The following GBE1 variants were observed in gnomAD, a reference collection of about 807,000 sequenced individuals.
The protein encoded by GBE1 is 1,4-alpha-glucan branching enzyme 1, also known as 1,4-alpha-glucan-branching enzyme.
Under a neutral mutation model 88.8 loss-of-function variants are expected in GBE1, and 70 were observed. The observed-to-expected ratio is 0.79, with a 90% CI of 0.65 to 0.96. GBE1 has a LOEUF of 0.96. Ranked by LOEUF, GBE1 falls within the 40% of genes least tolerant of loss-of-function variation. GBE1 has a pLI of 0.00. For synonymous variants in GBE1, 284 were observed against 300.1 expected (o/e 0.95, Z 0.56); for missense variants, 872 against 871.0 (o/e 1.00, Z -0.01).
At chr3:81,555,653 T>C (rs1391302057) in intron 12 of GBE1, among the ~76,000 whole-genome samples, 1 of 152,186 alleles carries the variant, frequency 6.6e-6, no homozygotes, top group Non-Finnish European at 1.5e-5. Flanking sequence ...AGATGACATG[T>C]AATAATCTGA....
In GBE1 at chr3:81,574,665, G is replaced by A. The variant is rs577465858; in HGVS notation, c.1618+3260C>T. Among the ~76,000 whole-genome samples the A allele has an allele frequency of 4.6e-5, 7 of 152,246 alleles. No individual in the cohort carries two copies. The South Asian group carries it at 8.3e-4, about 18-fold the overall frequency. ...AGAAAAAGGCAACTGACCAGCTGCC[G>A]AAATTTTCTGGTTGTGCAAACTGAG... On this transcript the variant is annotated intron_variant, in intron 12 of 15. Transcript: ENST00000429644.
In GBE1 at chr3:81,705,609, T is replaced by C; in HGVS notation, c.148A>G (p.Lys50Glu). ...PYAVDFQRRY[K>E]QFSQILKNIG... is the part of the protein sequence containing the mutation. ...TTCTTCAAAATTTGGCTAAACTGCTTATACCTTTGAAGAAGTATGAAAGAA... is the reference window on the plus strand; with the variant it reads ...TTCTTCAAAATTTGGCTAAACTGCTCATACCTTTGAAGAAGTATGAAAGAA... The change falls in exon 2 of 16, where the codon AAG (lysine) becomes GAG (glutamate). Residue 50 changes from lysine to glutamate, a missense_variant. Transcript: ENST00000429644. 6.5e-7 allele frequency: 1 copy of C among 1,541,832 alleles called. No individual in the cohort carries two copies. The highest frequency in any genetic ancestry group is 8.7e-7 in the Non-Finnish European group (1 of 1,143,704).
At chr3:81,674,812 T>C (rs1160625064) in intron 2 of GBE1, among the ~76,000 whole-genome samples, 1 of 151,830 alleles carries the variant, frequency 6.6e-6, no homozygotes, top group Admixed American at 6.6e-5. Flanking sequence ...TGAGAGAGAA[T>C]TAATTATGTA....
At chr3:81,501,046 A>G (rs536752508) in intron 14 of GBE1, among the ~76,000 whole-genome samples, 1 of 152,196 alleles carries the variant, frequency 6.6e-6, no homozygotes, top group South Asian at 2.1e-4. Flanking sequence ...TGTGCACCAA[A>G]CCCCAACAAC....
intron 1 of GBE1, among the ~76,000 whole-genome samples, chr3:81,712,534 A>G (rs1392074474): frequency 6.6e-6 from 1 of 152,124 alleles, no homozygotes; most frequent in African/African-American, 2.4e-5. Context: ...CATTCTCAGC[A>G]AACTATCACA....
chr3:81,678,796 G>T (rs1297035906), intron 2 of GBE1, among the ~76,000 whole-genome samples: 1 of 152,038 alleles, frequency 6.6e-6, no homozygotes, highest in Non-Finnish European at 1.5e-5. Context: ...AATAAGAAAA[G>T]CCCTTAAAAT....
intron 7 of GBE1, 60 bp from the exon 8 acceptor site, chr3:81,594,083 TATAA>T (rs1703919746): frequency 5.5e-6 from 4 of 725,592 alleles, no homozygotes; most frequent in Non-Finnish European, 9.2e-6. Flanking sequence ...CCTTAACTGT[TATAA>T]ATGTTTGCTA....
At position 81,761,568 on chromosome 3, in the gene GBE1, A is replaced by C. The variant is rs759844528; in HGVS notation, c.-51T>G. On this transcript the variant is annotated 5_prime_UTR_variant, in exon 1 of 16. Transcript: ENST00000429644. ...GGCCCGAGAGGTCGAGTGGGGCCTGAGCGGGCGCTGGAGCTCTAGCTGGGA... is the reference window on the plus strand; with the variant it reads ...GGCCCGAGAGGTCGAGTGGGGCCTGCGCGGGCGCTGGAGCTCTAGCTGGGA... 1.8e-5 allele frequency: 28 copies of C among 1,561,212 alleles called. No homozygotes were observed. In the South Asian group the frequency reaches 2.3e-4, roughly 13 times the overall value.
chr3:81,565,575 T>C (rs77029958), intron 12 of GBE1, among the ~76,000 whole-genome samples: 6,081 of 152,222 alleles, frequency 0.04, 407 homozygotes, highest in African/African-American at 0.14. Context: ...ATGTAACATA[T>C]TCATTAAAGA....
At chr3:81,512,756 A>G (rs558269471) in intron 14 of GBE1, among the ~76,000 whole-genome samples, 1 of 152,016 alleles carries the variant, frequency 6.6e-6, no homozygotes, top group African/African-American at 2.4e-5. Context: ...CCTAACCAGT[A>G]TCACTGGAGA....
chr3:81,559,549 G>A (rs1703391874), intron 12 of GBE1, among the ~76,000 whole-genome samples: 1 of 151,812 alleles, frequency 6.6e-6, no homozygotes, highest in South Asian at 2.1e-4. Flanking sequence ...ACTCTGGAGA[G>A]CCACACACTA....
chr3:81,586,224 A>C, intron 9 of GBE1, 34 bp from the exon 10 acceptor site: 2 of 1,292,302 alleles, frequency 1.5e-6, no homozygotes, highest in Non-Finnish European at 2.2e-6. Flanking sequence ...TAATGATCAA[A>C]CTTTTAGTAA....
intron 1 of GBE1, among the ~76,000 whole-genome samples, chr3:81,718,628 GTTTGTTTTGT>G (rs538458884): frequency 6.6e-6 from 1 of 151,924 alleles, no homozygotes; most frequent in Non-Finnish European, 1.5e-5. Context: ...AGTTTGTTTT[GTTTGTTTTGT>G]TTTGTTTTGT....
At chr3:81,674,699 T>C (rs1338123210) in intron 2 of GBE1, among the ~76,000 whole-genome samples, 6 of 151,678 alleles carry the variant, frequency 4.0e-5, no homozygotes, top group African/African-American at 1.5e-4. Flanking sequence ...TAATAATAAA[T>C]AGTACCAAGC....
intron 1 of GBE1, among the ~76,000 whole-genome samples, chr3:81,739,183 A>G (rs1706314468): frequency 6.6e-6 from 1 of 152,138 alleles, no homozygotes; most frequent in African/African-American, 2.4e-5. Context: ...CAATATATAA[A>G]TTTCGGCAGA....
intron 15 of GBE1, among the ~76,000 whole-genome samples, chr3:81,495,376 G>A (rs1323400996): frequency 6.6e-6 from 1 of 152,088 alleles, no homozygotes. Flanking sequence ...GCAACAGAGT[G>A]AGACTCCGTC....
At chr3:81,598,649 T>C (rs1703990376) in intron 7 of GBE1, among the ~76,000 whole-genome samples, 1 of 151,960 alleles carries the variant, frequency 6.6e-6, no homozygotes, top group Non-Finnish European at 1.5e-5. Flanking sequence ...TGAAAAGTAG[T>C]AATTCATATC....
At chr3:81,699,713 A>G (rs985982731) in intron 2 of GBE1, among the ~76,000 whole-genome samples, 12 of 152,150 alleles carry the variant, frequency 7.9e-5, no homozygotes, top group African/African-American at 1.2e-4. Flanking sequence ...CTGGCAGCTG[A>G]TTATATTGCG....
At chr3:81,679,833 T>G (rs1304361656) in intron 2 of GBE1, among the ~76,000 whole-genome samples, 1 of 152,228 alleles carries the variant, frequency 6.6e-6, no homozygotes, top group East Asian at 1.9e-4. Context: ...GCAATCAAAC[T>G]ATTTACTTAT....
Sources: gnomAD v4.1 joint callset for allele counts (sites outside exome capture counted in the v4.1 genomes callset) on GRCh38, gnomAD v4.1.1 for gene constraint, MANE v1.5 for transcripts, NCBI Gene and HGNC (gene_info 2026-07-23, HGNC 2026-07-21) for gene names.